STRN: variants seen among roughly 807,000 people sequenced by gnomAD.
The protein encoded by STRN is striatin.
A neutral mutation model predicts 96.3 loss-of-function variants in STRN; 53 were observed. That is an observed-to-expected ratio of 0.55 (90% CI 0.44 to 0.69). The LOEUF (loss-of-function observed/expected upper bound fraction) is 0.69. Ranked by LOEUF, STRN falls within the 30% of genes least tolerant of loss-of-function variation. STRN has a pLI of 0.00. For synonymous variants in STRN, 428 were observed against 355.9 expected, an observed-to-expected ratio of 1.20 and a Z score of -2.28; for missense variants, 987 against 963.9, an observed-to-expected ratio of 1.02 and a Z score of -0.32.
At chr2:36,870,239 A>T (rs2160378) in intron 10 of STRN, among the ~76,000 whole-genome samples, 1 of 151,210 alleles carries the variant, frequency 6.6e-6, no homozygotes, top group Admixed American at 6.6e-5. Flanking sequence ...CAAAGAATGC[A>T]TTCCACTGGT....
intron 8 of STRN, among the ~76,000 whole-genome samples, chr2:36,885,839 C>A (rs1302098446): frequency 1.3e-5 from 2 of 152,062 alleles, no homozygotes; most frequent in Admixed American, 6.5e-5. Flanking sequence ...TCACTTTATA[C>A]TACCTTAACA....
intron 16 of STRN, 35 bp downstream of exon 16, chr2:36,850,965 G>A: frequency 1.1e-6 from 1 of 910,922 alleles, no homozygotes; most frequent in Admixed American, 4.0e-5. Context: ...TTTTTTTTTT[G>A]CTTTAATAAA....
chr2:36,912,322 T>C (rs1669983588), intron 3 of STRN, among the ~76,000 whole-genome samples: 1 of 152,172 alleles, frequency 6.6e-6, no homozygotes, highest in Admixed American at 6.5e-5. Context: ...ATCTCTCTCC[T>C]TCACCTTCAC....
chr2:36,905,417 G>A, intron 4 of STRN, 123 bp downstream of exon 4: 2 of 819,038 alleles, frequency 2.4e-6, no homozygotes, highest in Non-Finnish European at 2.0e-6. Flanking sequence ...ATTCAATTAA[G>A]CTTTTTCACA....
At chr2:36,953,489 G>A (rs916971630) in intron 1 of STRN, among the ~76,000 whole-genome samples, 14 of 145,014 alleles carry the variant, frequency 9.7e-5, no homozygotes, top group Middle Eastern at 3.6e-3. Context: ...TGCAAGCTCC[G>A]CCTCCCAGGT....
In STRN at chr2:36,842,078, T is replaced by C. The variant is rs1199878820; in HGVS notation, c.*7378A>G. ...ATGAAAAATTATTGTCTTGGTCCCA[T>C]TTCCAAAGGGAAGTAGTTGGATGCC... is the stretch of plus-strand genomic sequence containing the variant. On this transcript the variant is annotated 3_prime_UTR_variant, in exon 18 of 18. Coordinates refer to ENST00000263918, the MANE Select transcript of STRN (RefSeq NM_003162.4). 3.3e-5 allele frequency: 5 copies of C among 152,240 alleles called. No individual in the cohort carries two copies. Among genetic ancestry groups the C allele is most frequent in the South Asian group, 2.1e-4 (1 of 4,834 alleles). The allele number at this position is 152,240 out of a possible 1,614,324, so 9.4% of individuals were successfully genotyped here. A position where few individuals can be genotyped will look rare whatever the true frequency, so the allele number is the denominator to read the frequency against.
chr2:36,945,607 G>A (rs935237049), intron 1 of STRN, among the ~76,000 whole-genome samples: 2 of 152,112 alleles, frequency 1.3e-5, no homozygotes, highest in African/African-American at 4.8e-5. Flanking sequence ...CAGAGTTGCA[G>A]TGAGCCAAGA....
chr2:36,898,012 T>G (rs574858239), intron 6 of STRN, among the ~76,000 whole-genome samples: 1 of 152,298 alleles, frequency 6.6e-6, no homozygotes, highest in African/African-American at 2.4e-5. Context: ...TGATCTGCAC[T>G]AATTAGAAGA....
chr2:36,952,097 C>T (rs182615258), intron 1 of STRN, among the ~76,000 whole-genome samples: 5 of 152,248 alleles, frequency 3.3e-5, no homozygotes, highest in East Asian at 3.9e-4. Context: ...AATGACAATA[C>T]AAAACTCGAA....
chr2:36,957,959 G>A (rs1428801675), intron 1 of STRN, among the ~76,000 whole-genome samples: 1 of 133,336 alleles, frequency 7.5e-6, no homozygotes, highest in Non-Finnish European at 1.6e-5. Context: ...TCACTCTGTT[G>A]CCCAGGCTGG....
At position 36,843,470 on chromosome 2, in the gene STRN, A is replaced by G. The variant is rs867576371; in HGVS notation, c.*5986T>C. The stretch of plus-strand genomic sequence containing the variant: ...ATTTTAAAAGCCATTTAAACTGAAC[A>G]TTTGAAAAACATAAAACCTATTCAT... On this transcript the variant is annotated 3_prime_UTR_variant, in exon 18 of 18. Coordinates refer to ENST00000263918, the MANE Select transcript of STRN (RefSeq NM_003162.4). Among the ~76,000 whole-genome samples the G allele has an allele frequency of 4.6e-5, 7 of 152,306 alleles. No individual in the cohort carries two copies. Among genetic ancestry groups the G allele is most frequent in the Middle Eastern group, 3.4e-3 (1 of 294 alleles).
At position 36,942,858 on chromosome 2, in the gene STRN, G is replaced by A. The variant is rs1670880485; in HGVS notation, c.235-17650C>T. On this transcript the variant is annotated intron_variant, in intron 1 of 17. Transcript: ENST00000263918. ...TTACAGGCACGCAACACCACACCCA[G>A]CTAATTTTTGAATTTTTGGTAAAGA... Among the ~76,000 whole-genome samples the A allele has an allele frequency of 1.3e-5, 2 of 150,914 alleles. 1 individual carries two copies. The highest frequency in any genetic ancestry group is 4.2e-4 in the South Asian group (2 of 4,730).
Position 36,884,083 on chromosome 2 carries a change from A to G in STRN, c.1043-8T>C. On this transcript the variant is annotated splice_polypyrimidine_tract_variant and splice_region_variant and intron_variant, in intron 8 of 17. Coordinates refer to ENST00000263918, the MANE Select transcript of STRN (RefSeq NM_003162.4). ...GTTTTGACCTATTGGGCCCTAGCCA[A>G]AAAAAGGGGGGGTGGGAGGAGATAA... 1 of 1,325,496 alleles carries G rather than the reference A, an allele frequency of 7.5e-7. No individual in the cohort carries two copies. The highest frequency in any genetic ancestry group is 9.7e-7 in the Non-Finnish European group (1 of 1,027,790). 82.1% of individuals were successfully genotyped at this position (1,325,496 alleles called of 1,614,324 possible).
At chr2:36,952,600 T>G (rs1664781674) in intron 1 of STRN, among the ~76,000 whole-genome samples, 1 of 152,172 alleles carries the variant, frequency 6.6e-6, no homozygotes, top group South Asian at 2.1e-4. Context: ...CACATACAGT[T>G]TTACAAGGAT....
intron 12 of STRN, among the ~76,000 whole-genome samples, chr2:36,863,871 C>T (rs1668555692): frequency 6.6e-6 from 1 of 151,972 alleles, no homozygotes; most frequent in Admixed American, 6.6e-5. Context: ...AGATCTTTCA[C>T]CTCCATGGTT....
chr2:36,905,561 T>C lies in STRN; in HGVS notation c.470A>G (p.Gln157Arg). The part of the protein sequence containing the change: ...PQQNSQLMWK[Q>R]GRQLLRQYLQ... ...TTACTGTCTGAGTAGTTGTCGACCT[T>C]GTTTCCACATTAACTGGCTGTTTTG... The change falls in exon 4 of 18, where the codon CAA (glutamine) becomes CGA (arginine). Residue 157 changes from glutamine to arginine, a missense_variant. Physicochemically the swap from Gln to Arg is conservative, Grantham distance 43. Transcript: ENST00000263918. 1.9e-6 allele frequency: 3 copies of C among 1,613,802 alleles called. No individual in the cohort carries two copies. Among genetic ancestry groups the C allele is most frequent in the Non-Finnish European group, 8.5e-7 (1 of 1,179,900 alleles).
chr2:36,883,607 T>C (rs937649459), intron 9 of STRN, among the ~76,000 whole-genome samples: 11 of 152,206 alleles, frequency 7.2e-5, no homozygotes, highest in African/African-American at 2.2e-4. Context: ...AGTTTCAAAG[T>C]AAACATTTAC....
intron 1 of STRN, among the ~76,000 whole-genome samples, chr2:36,964,277 T>G (rs940357152): frequency 2.0e-5 from 3 of 151,334 alleles, no homozygotes; most frequent in East Asian, 1.9e-4. Flanking sequence ...TTTTTGTTTT[T>G]TTTTTTTTAA....
At chr2:36,910,046 G>A (rs940351304) in intron 3 of STRN, among the ~76,000 whole-genome samples, 16 of 151,900 alleles carry the variant, frequency 1.1e-4, no homozygotes, top group Non-Finnish European at 2.1e-4. Context: ...GGTGGCAGGC[G>A]CCTGTAATCC....
Sources: allele counts gnomAD v4.1 joint callset (sites outside exome capture counted in the v4.1 genomes callset), GRCh38; gene constraint gnomAD v4.1.1; transcripts MANE v1.5; gene names NCBI Gene and HGNC (gene_info 2026-07-23, HGNC 2026-07-21).